The following ARHGEF4 variants were observed in gnomAD, a reference collection of about 807,000 sequenced individuals.
The protein encoded by ARHGEF4 is APC-stimulated guanine nucleotide exchange factor 1.
Under a neutral mutation model 162.0 loss-of-function variants are expected in ARHGEF4, and 119 were observed. The observed-to-expected ratio is 0.73, with a 90% CI of 0.63 to 0.86. ARHGEF4 has a LOEUF of 0.86. Ranked by LOEUF, ARHGEF4 falls within the 40% of genes least tolerant of loss-of-function variation. ARHGEF4 has a pLI of 0.00. For missense variants in ARHGEF4, 2,488 were observed against 2,456.0 expected, an observed-to-expected ratio of 1.01 and a Z score of -0.28; for synonymous variants, 1,014 against 979.9, an observed-to-expected ratio of 1.03 and a Z score of -0.65.
chr2:130,865,901 A>C (rs1404545812), intron 1 of ARHGEF4, among the ~76,000 whole-genome samples: 1 of 151,936 alleles, frequency 6.6e-6, no homozygotes, highest in Non-Finnish European at 1.5e-5. Flanking sequence ...AGCCCAGAGG[A>C]GCAGTAGACT....
chr2:130,914,186 G>T lies in ARHGEF4; in HGVS notation c.240G>T (p.Leu80Phe), dbSNP rs546167437. ...AAAGTGCCTCTGACACAGAGTCCTT[G>T]TCTGGGTACCTCCCGAGGGGAGTCT... ...PFESASDTES[L>F]SGYLPRGVFH... The change falls in exon 2 of 14, where the codon TTG becomes TTT. Residue 80 changes from leucine to phenylalanine, a missense_variant. Leu to Phe is a conservative substitution (Grantham distance 22). This residue lies in a region of ARHGEF4 where 171 missense variants were observed against 169.4 expected (regional missense o/e 1.01). Coordinates refer to ENST00000409359, the MANE Select transcript of ARHGEF4 (RefSeq NM_001367493.1). 85 of 1,536,088 alleles carry T rather than the reference G, an allele frequency of 5.5e-5. 1 individual carries two copies. The African/African-American group carries it at 9.8e-4, about 18-fold the overall frequency.
At chr2:131,020,246 T>A (rs374738393) in intron 4 of ARHGEF4, among the ~76,000 whole-genome samples, 1 of 152,054 alleles carries the variant, frequency 6.6e-6, no homozygotes, top group African/African-American at 2.4e-5. Flanking sequence ...TGTGCAGGTT[T>A]GTTACATATG....
chr2:131,010,239 G>A (rs1266345358), intron 4 of ARHGEF4, among the ~76,000 whole-genome samples: 1 of 152,180 alleles, frequency 6.6e-6, no homozygotes, highest in African/African-American at 2.4e-5. Flanking sequence ...GTGACACTGT[G>A]ACTGCAGGTT....
intron 2 of ARHGEF4, among the ~76,000 whole-genome samples, chr2:130,928,499 T>C (rs557757149): frequency 3.9e-5 from 6 of 152,304 alleles, no homozygotes; most frequent in African/African-American, 1.2e-4. Flanking sequence ...TCGTGTTTGA[T>C]CTTGGCTGGC....
chr2:130,843,507 C>A (rs927229948), intron 1 of ARHGEF4, among the ~76,000 whole-genome samples: 1 of 152,194 alleles, frequency 6.6e-6, no homozygotes, highest in Non-Finnish European at 1.5e-5. Flanking sequence ...CCTGGACTTG[C>A]CAGCCTTGGC....
chr2:131,004,216 A>G (rs988725166), intron 4 of ARHGEF4, among the ~76,000 whole-genome samples: 5 of 152,164 alleles, frequency 3.3e-5, no homozygotes, highest in African/African-American at 1.2e-4. Context: ...CTCGGGCTGG[A>G]GTGCAATGGC....
Position 130,920,795 on chromosome 2 carries a change from A to G in ARHGEF4, c.3552+3297A>G, listed in dbSNP as rs116135173. 5.3e-3 allele frequency among the ~76,000 whole-genome samples: 813 copies of G among 152,342 alleles called. 6 individuals carry two copies. The highest frequency in any genetic ancestry group is 0.018 in the African/African-American group (750 of 41,570). On this transcript the variant is annotated intron_variant, in intron 2 of 13. Coordinates refer to ENST00000409359, the MANE Select transcript of ARHGEF4 (RefSeq NM_001367493.1). ...GATTTCTTCCACAGACAAGTTTTATATATGTAACATAGCTGTGATAATATC... is the reference window on the plus strand; with the variant it reads ...GATTTCTTCCACAGACAAGTTTTATGTATGTAACATAGCTGTGATAATATC...
chr2:130,855,624 C>G (rs886829251), intron 1 of ARHGEF4, among the ~76,000 whole-genome samples: 2 of 152,168 alleles, frequency 1.3e-5, no homozygotes, highest in African/African-American at 4.8e-5. Flanking sequence ...TGCATACTTG[C>G]ATGACTGAAC....
intron 5 of ARHGEF4, among the ~76,000 whole-genome samples, chr2:131,038,378 TCTCC>T (rs1308328189): frequency 2.7e-5 from 3 of 111,494 alleles, no homozygotes; most frequent in African/African-American, 1.1e-4. Flanking sequence ...CAGCCCAGCC[TCTCC>T]CTCCTGCAGC....
intron 4 of ARHGEF4, among the ~76,000 whole-genome samples, chr2:130,951,780 T>C (rs921760740): frequency 6.6e-6 from 1 of 152,220 alleles, no homozygotes; most frequent in Non-Finnish European, 1.5e-5. Context: ...ACTAGCTTAA[T>C]TCCAGTAATA....
chr2:130,931,408 A>G (rs140300190), intron 3 of ARHGEF4, 151 bp downstream of exon 3: 5 of 818,160 alleles, frequency 6.1e-6, no homozygotes, highest in Non-Finnish European at 9.4e-6. Flanking sequence ...TGCCTGGGCC[A>G]CACTCAGTAC....
Position 130,930,956 on chromosome 2 carries a change from A to T in ARHGEF4, c.3557A>T (p.His1186Leu). The change falls in exon 3 of 14, where the codon CAC becomes CTC. Residue 1186 changes from histidine to leucine, a missense_variant. His to Leu is a moderately conservative substitution (Grantham distance 99). Around this residue, in one of 6 missense-constraint regions of ARHGEF4, gnomAD observed 1,642 missense variants for 1,481.5 expected, o/e 1.11. Transcript: ENST00000409359. ...WLRDLPGSEN[H>L]MPWEEPAGEK... Reference sequence around the variant, plus strand: ...CCCGTTCTCTCTGCTCTCCAGAACCACATGCCCTGGGAAGAACCAGCAGGT... The same window carrying T: ...CCCGTTCTCTCTGCTCTCCAGAACCTCATGCCCTGGGAAGAACCAGCAGGT... The T allele has an allele frequency of 2.5e-6, 4 of 1,605,340 alleles. No individual in the cohort carries two copies. The South Asian group carries it at 4.4e-5, about 18-fold the overall frequency.
At chr2:130,872,936 A>G (rs1368223011) in intron 1 of ARHGEF4, among the ~76,000 whole-genome samples, 1 of 152,006 alleles carries the variant, frequency 6.6e-6, no homozygotes, top group Admixed American at 6.5e-5. Context: ...CCACATGCCT[A>G]CCTGGGGCAT....
chr2:130,942,068 A>T (rs946686453), intron 3 of ARHGEF4, among the ~76,000 whole-genome samples: 1 of 152,122 alleles, frequency 6.6e-6, no homozygotes, highest in Non-Finnish European at 1.5e-5. Flanking sequence ...CTGATAATTT[A>T]ATAGAAAATA....
At position 130,950,391 on chromosome 2, in the gene ARHGEF4, G is replaced by A. The variant is rs13420342; in HGVS notation, c.3985+3756G>A. 6.1e-3 allele frequency among the ~76,000 whole-genome samples: 924 copies of A among 152,206 alleles called. 9 individuals carry two copies. Among genetic ancestry groups the A allele is most frequent in the African/African-American group, 0.021 (891 of 41,550 alleles). On this transcript the variant is annotated intron_variant, in intron 4 of 13. Transcript: ENST00000409359. ...AGAGTCCCTGATGCCTCCAGAGTTCGTGCCTGTGGCTTTGGAAGGGTTGGC... is the reference window on the plus strand; with the variant it reads ...AGAGTCCCTGATGCCTCCAGAGTTCATGCCTGTGGCTTTGGAAGGGTTGGC...
rs569382005 is a variant in ARHGEF4, at chr2:131,045,195, C to T, written c.5402-174C>T. Among the ~76,000 whole-genome samples, 9 of 152,316 alleles carry T rather than the reference C, an allele frequency of 5.9e-5. No individual in the cohort carries two copies. The South Asian group carries it at 1.7e-3, about 28-fold the overall frequency. ...CAGGACACCAGAGCATGCCCTCTGC[C>T]CTGGTTGGCCAAGGCAGGCTGACTG... On this transcript the variant is annotated intron_variant, in intron 12 of 13. Coordinates refer to ENST00000409359, the MANE Select transcript of ARHGEF4 (RefSeq NM_001367493.1).
chr2:130,928,242 A>G lies in ARHGEF4; in HGVS notation c.3553-2710A>G, dbSNP rs373392694. Among the ~76,000 whole-genome samples the G allele has an allele frequency of 2.0e-5, 3 of 152,210 alleles. No homozygotes were observed. In the East Asian group the frequency reaches 5.8e-4, roughly 29 times the overall value. ...GAGAAGTTGCTTATTTTATAAGTCA[A>G]TGTTTAGAGGTCTCTTCTCTGAGGT... On this transcript the variant is annotated intron_variant, in intron 2 of 13. Transcript: ENST00000409359.
Position 131,046,412 on chromosome 2 carries a change from G to C in ARHGEF4, c.*223G>C, listed in dbSNP as rs1275489616. The C allele has an allele frequency of 7.2e-6, 4 of 553,552 alleles. No individual in the cohort carries two copies. The highest frequency in any genetic ancestry group is 1.9e-5 in the African/African-American group (1 of 52,652). The allele number at this position is 553,552 out of a possible 1,614,324, so 34.3% of individuals were successfully genotyped here. On this transcript the variant is annotated 3_prime_UTR_variant, in exon 14 of 14. Coordinates refer to ENST00000409359, the MANE Select transcript of ARHGEF4 (RefSeq NM_001367493.1). The stretch of plus-strand genomic sequence containing the variant: ...CAGCAAGGGGGCAGACCCCGCACTC[G>C]CCACACCGCCGCTGCAGCTTGGGCC...
intron 4 of ARHGEF4, among the ~76,000 whole-genome samples, chr2:131,007,904 C>A (rs1185044168): frequency 6.7e-6 from 1 of 148,876 alleles, no homozygotes; most frequent in African/African-American, 2.5e-5. Flanking sequence ...CTCCGCTTCC[C>A]AGGTTCAAGT....
Sources: gnomAD v4.1 joint callset for allele counts (sites outside exome capture counted in the v4.1 genomes callset) on GRCh38, gnomAD v4.1.1 for gene constraint, gnomAD v4.1.1 regional missense constraint, MANE v1.5 for transcripts, NCBI Gene and HGNC (gene_info 2026-07-23, HGNC 2026-07-21) for gene names.